CCDC7: variants seen among roughly 807,000 people sequenced by gnomAD.
CCDC7 encodes coiled-coil domain containing 7, also known as coiled-coil domain-containing protein 7.
CCDC7 carries 183 observed loss-of-function variants against 196.9 expected under a neutral mutation model. The observed-to-expected ratio is 0.93, with a 90% CI of 0.82 to 1.05. The LOEUF is 1.05. Among genes scored for constraint, CCDC7 ranks in the 50% least tolerant of loss-of-function variants. The pLI is 0.00. For synonymous variants in CCDC7, 525 were observed against 484.6 expected (o/e 1.08, Z -1.10); for missense variants, 1,540 against 1,482.2 (o/e 1.04, Z -0.64).
rs2033577716 is a variant in CCDC7, at chr10:32,453,342, A to C, written c.280-2A>C. On this transcript the variant is annotated splice_acceptor_variant, in intron 1 of 41. Coordinates refer to ENST00000639629, the Ensembl canonical transcript of CCDC7. LOFTEE classifies it high-confidence loss of function. ...TAATTGGCTTTTATTTTTTTTTTAC[A>C]GGTTGTTTCCACTTTGGAAGAAACC... 6.7e-7 allele frequency: 1 copy of C among 1,487,140 alleles called. No homozygotes were observed. Among genetic ancestry groups the C allele is most frequent in the Non-Finnish European group, 8.9e-7 (1 of 1,120,912 alleles). 92.1% of individuals were successfully genotyped at this position (1,487,140 alleles called of 1,614,324 possible).
rs576074391 is a variant in CCDC7, at chr10:32,472,785, G to A, written c.739+243G>A. Among the ~76,000 whole-genome samples, 313 of 151,670 alleles carry A rather than the reference G, an allele frequency of 2.1e-3. 1 individual carries two copies. The highest frequency in any genetic ancestry group is 7.4e-3 in the African/African-American group (304 of 41,360). On this transcript the variant is annotated intron_variant, in intron 7 of 41. Coordinates refer to ENST00000639629, the Ensembl canonical transcript of CCDC7. The stretch of plus-strand genomic sequence containing the variant: ...TGATTTTTTTTTTTTTGTACAGATG[G>A]AGGTCTCACTATGTCGCCCAGGCTG...
Position 32,585,082 on chromosome 10 carries a change from T to TG in CCDC7, c.1801+778_1801+779insG, listed in dbSNP as rs1455498848. Among the ~76,000 whole-genome samples, 3 of 152,140 alleles carry TG rather than the reference T, an allele frequency of 2.0e-5. No individual in the cohort carries two copies. The East Asian group carries it at 5.8e-4, about 30-fold the overall frequency. ...TTGCATTGACCTAAACTTAAATTTT[T>TG]TTTTTTTTTGAGACAGAGTCTTGCT... On this transcript the variant is annotated intron_variant, in intron 18 of 41. Transcript: ENST00000639629.
At chr10:32,797,229 ATGTGTATATATATGCGTATATATATG>A (rs754552158) in intron 29 of CCDC7, among the ~76,000 whole-genome samples, 39 of 148,988 alleles carry the variant, frequency 2.6e-4, no homozygotes, top group Non-Finnish European at 4.6e-4. Context: ...ACACATATAT[ATGTGTATATATATGCGTATATATATG>A]TGTGTATATA....
chr10:32,733,884 A>G (rs2084404334), intron 28 of CCDC7, among the ~76,000 whole-genome samples: 1 of 152,228 alleles, frequency 6.6e-6, no homozygotes, highest in African/African-American at 2.4e-5. Flanking sequence ...GTGAGATACC[A>G]TCTCACACTA....
At chr10:32,569,201 T>C (rs2057261068) in intron 15 of CCDC7, among the ~76,000 whole-genome samples, 1 of 152,212 alleles carries the variant, frequency 6.6e-6, no homozygotes, top group East Asian at 1.9e-4. Flanking sequence ...GCAAAGATGA[T>C]GTATATAATG....
At chr10:32,727,004 G>T (rs1253631888) in intron 26 of CCDC7, among the ~76,000 whole-genome samples, 172 bp downstream of exon 27, 1 of 152,126 alleles carries the variant, frequency 6.6e-6, no homozygotes, top group African/African-American at 2.4e-5. Context: ...TTAACTTCAT[G>T]TTGGAGTTTC....
At chr10:32,871,973 T>C (rs2974540) in intron 41 of CCDC7, among the ~76,000 whole-genome samples, 150,367 of 152,174 alleles carry the variant, frequency 0.99, 74,316 homozygotes, top group Middle Eastern at 1. Context: ...AGACAGTTTG[T>C]TATAATTTCT....
At chr10:32,606,266 A>G (rs547284424) in intron 18 of CCDC7, among the ~76,000 whole-genome samples, 39 of 152,364 alleles carry the variant, frequency 2.6e-4, no homozygotes, top group African/African-American at 8.9e-4. Flanking sequence ...CAGGGAATAT[A>G]TGAGAAATCT....
intron 28 of CCDC7, among the ~76,000 whole-genome samples, chr10:32,745,195 A>T (rs1193230965): frequency 6.6e-6 from 1 of 152,160 alleles, no homozygotes; most frequent in African/African-American, 2.4e-5. Flanking sequence ...TCTTTTTATA[A>T]GACCACACTG....
intron 13 of CCDC7, among the ~76,000 whole-genome samples, chr10:32,563,233 T>C (rs1325757602): frequency 1.3e-5 from 2 of 152,058 alleles, no homozygotes; most frequent in African/African-American, 2.4e-5. Context: ...CCCAAGGTAA[T>C]TTATAGATTC....
intron 29 of CCDC7, among the ~76,000 whole-genome samples, chr10:32,784,471 T>A (rs1377914200): frequency 1.3e-5 from 2 of 152,230 alleles, no homozygotes; most frequent in African/African-American, 4.8e-5. Context: ...AGTGGGAATA[T>A]GCGGTGTTTG....
chr10:32,779,096 T>C lies in CCDC7; in HGVS notation c.3013+12T>C. 6.6e-7 allele frequency: 1 copy of C among 1,503,808 alleles called. No homozygotes were observed. Among genetic ancestry groups the C allele is most frequent in the Non-Finnish European group, 9.0e-7 (1 of 1,105,338 alleles). 93.2% of individuals were successfully genotyped at this position (1,503,808 alleles called of 1,614,324 possible). Reference sequence around the variant, plus strand: ...AAACAAAGTGGTCGGTAAGTATAGATTTATGTTTGGATACAGTAGAACACA... The same window carrying C: ...AAACAAAGTGGTCGGTAAGTATAGACTTATGTTTGGATACAGTAGAACACA... On this transcript the variant is annotated intron_variant, in intron 29 of 41. Transcript: ENST00000639629.
chr10:32,841,882 G>A (rs1475803609), intron 33 of CCDC7, among the ~76,000 whole-genome samples: 1 of 152,076 alleles, frequency 6.6e-6, no homozygotes, highest in Non-Finnish European at 1.5e-5. Context: ...AACGAATGTT[G>A]CTGGAGTAAT....
chr10:32,568,024 T>TTTGAGA, intron 15 of CCDC7, 133 bp downstream of exon 16: 2 of 999,136 alleles, frequency 2.0e-6, no homozygotes, highest in Non-Finnish European at 2.7e-6. Context: ...TTTTTTTTTT[T>TTTGAGA]TGAGATGGAG....
chr10:32,597,687 C>T (rs1022388826), intron 18 of CCDC7, among the ~76,000 whole-genome samples: 2 of 152,174 alleles, frequency 1.3e-5, no homozygotes, highest in African/African-American at 4.8e-5. Context: ...GATGCTGACG[C>T]ACAGATGGGG....
chr10:32,838,210 G>T (rs781219017), intron 33 of CCDC7, among the ~76,000 whole-genome samples: 3 of 151,994 alleles, frequency 2.0e-5, no homozygotes, highest in Non-Finnish European at 4.4e-5. Flanking sequence ...ACTGCACTGG[G>T]TGCCTTAAAC....
intron 40 of CCDC7, among the ~76,000 whole-genome samples, chr10:32,853,500 G>A (rs916472856): frequency 6.6e-6 from 1 of 152,150 alleles, no homozygotes; most frequent in Admixed American, 6.5e-5. Context: ...ACTGAGGAAA[G>A]TCAACATATT....
intron 25 of CCDC7, among the ~76,000 whole-genome samples, chr10:32,719,514 A>T (rs1451651360): frequency 6.6e-6 from 1 of 152,224 alleles, no homozygotes; most frequent in Non-Finnish European, 1.5e-5. Flanking sequence ...AAAAGCCAAA[A>T]TTGACAAATG....
intron 24 of CCDC7, among the ~76,000 whole-genome samples, chr10:32,705,031 G>C (rs192025686): frequency 3.6e-4 from 55 of 152,232 alleles, no homozygotes; most frequent in African/African-American, 1.1e-3. Flanking sequence ...TGCACCCACT[G>C]TCCGACAATG....
Sources: gnomAD v4.1 joint callset for allele counts (sites outside exome capture counted in the v4.1 genomes callset) on GRCh38, gnomAD v4.1.1 for gene constraint, MANE v1.5 for transcripts, NCBI Gene and HGNC (gene_info 2026-07-23, HGNC 2026-07-21) for gene names.